Variants in PDE7B observed in about 807,000 individuals in gnomAD.
PDE7B encodes the protein phosphodiesterase 7B.
In PDE7B, 29 loss-of-function variants were observed where a neutral mutation model predicts 56.2. The observed-to-expected ratio is 0.52, with a 90% CI of 0.38 to 0.70. The LOEUF is 0.70. Ranked by LOEUF, PDE7B falls within the 30% of genes least tolerant of loss-of-function variation. The pLI is 0.00. For synonymous variants in PDE7B, 197 were observed against 196.9 expected (o/e 1.00, Z 0.00); for missense variants, 490 against 565.0 (o/e 0.87, Z 1.35).
At chr6:135,993,715 G>T (rs1290541810) in intron 2 of PDE7B, among the ~76,000 whole-genome samples, 1 of 152,204 alleles carries the variant, frequency 6.6e-6, no homozygotes, top group Non-Finnish European at 1.5e-5. Context: ...CTGAATTAAT[G>T]GTGAGCATTA....
intron 2 of PDE7B, among the ~76,000 whole-genome samples, chr6:136,106,701 A>G (rs1466557800): frequency 2.6e-5 from 4 of 152,192 alleles, no homozygotes; most frequent in East Asian, 1.9e-4. Context: ...TGAAGGTCCA[A>G]TGAGAAAAAA....
intron 2 of PDE7B, among the ~76,000 whole-genome samples, chr6:136,092,096 A>G (rs1272884667): frequency 6.6e-6 from 1 of 152,240 alleles, no homozygotes; most frequent in East Asian, 1.9e-4. Context: ...TATTGCTCAC[A>G]GTCATAGTAA....
intron 8 of PDE7B, among the ~76,000 whole-genome samples, chr6:136,170,090 T>A (rs1304538978): frequency 6.6e-6 from 1 of 152,186 alleles, no homozygotes; most frequent in Non-Finnish European, 1.5e-5. Flanking sequence ...TCCTGACTTG[T>A]GTTTTCCTAA....
At chr6:135,961,255 A>ATGTGTGTGTGTGTGTGTGTGTGTGTGTG (rs961322926) in intron 2 of PDE7B, among the ~76,000 whole-genome samples, 2 of 146,086 alleles carry the variant, frequency 1.4e-5, no homozygotes, top group African/African-American at 5.2e-5. Context: ...TAGAGTGTAT[A>ATGTGTGTGTGTGTGTGTGTGTGTGTGTG]TGTGTGTGTG....
intron 1 of PDE7B, among the ~76,000 whole-genome samples, chr6:135,933,206 G>C (rs751303830): frequency 6.6e-6 from 1 of 152,182 alleles, no homozygotes; most frequent in Non-Finnish European, 1.5e-5. Context: ...ACAAAGCACA[G>C]TTATGTAACA....
chr6:136,002,836 C>G (rs4896195), intron 2 of PDE7B, among the ~76,000 whole-genome samples: 54,850 of 151,258 alleles, frequency 0.36, 10,040 homozygotes, highest in East Asian at 0.47. Flanking sequence ...GAACTCAGCT[C>G]TGCACCAAGT....
At chr6:135,959,527 C>G (rs1256834124) in intron 2 of PDE7B, among the ~76,000 whole-genome samples, 1 of 152,044 alleles carries the variant, frequency 6.6e-6, no homozygotes, top group Non-Finnish European at 1.5e-5. Context: ...TCCTGAATTA[C>G]TGCATTGTTT....
At chr6:136,034,714 C>A in intron 2 of PDE7B, 1 of 161,194 alleles carries the variant, frequency 6.2e-6, no homozygotes. Flanking sequence ...TGGGTCCAGT[C>A]CCTTCCGTGC....
At chr6:135,929,834 A>T (rs1252630811) in intron 1 of PDE7B, among the ~76,000 whole-genome samples, 1 of 152,138 alleles carries the variant, frequency 6.6e-6, no homozygotes, top group Non-Finnish European at 1.5e-5. Context: ...CAGAGCTGTA[A>T]CCTGAAGGGC....
chr6:135,908,214 G>A (rs1776149907), intron 1 of PDE7B, among the ~76,000 whole-genome samples: 1 of 151,294 alleles, frequency 6.6e-6, no homozygotes, highest in South Asian at 2.1e-4. Context: ...TCAACCTCCT[G>A]AGCTGCTGGG....
chr6:135,935,664 T>C (rs1399500044), intron 1 of PDE7B, among the ~76,000 whole-genome samples: 2 of 152,206 alleles, frequency 1.3e-5, no homozygotes, highest in Non-Finnish European at 2.9e-5. Flanking sequence ...CTTTCAAATA[T>C]TGATCTTGCC....
At chr6:135,992,530 C>G (rs1009744924) in intron 2 of PDE7B, among the ~76,000 whole-genome samples, 1 of 152,176 alleles carries the variant, frequency 6.6e-6, no homozygotes, top group African/African-American at 2.4e-5. Flanking sequence ...GGGTCTTGGG[C>G]AGTAAACACT....
At chr6:136,127,537 T>C (rs1295966984) in intron 3 of PDE7B, among the ~76,000 whole-genome samples, 2 of 152,216 alleles carry the variant, frequency 1.3e-5, no homozygotes, top group Non-Finnish European at 2.9e-5. Context: ...AGTGTTATTG[T>C]TTATGGCTTG....
intron 2 of PDE7B, among the ~76,000 whole-genome samples, chr6:136,104,178 C>CA (rs780563674): frequency 5.5e-5 from 8 of 145,690 alleles, no homozygotes; most frequent in East Asian, 3.9e-4. Context: ...CCTGAAGGGG[C>CA]AAAAAAAAGC....
intron 2 of PDE7B, among the ~76,000 whole-genome samples, chr6:136,098,293 CATCAG>C (rs1019141437): frequency 6.6e-6 from 1 of 152,026 alleles, no homozygotes; most frequent in African/African-American, 2.4e-5. Flanking sequence ...GTAGTACACT[CATCAG>C]ATCAGAAGAA....
At chr6:136,131,138 T>C (rs1348375040) in intron 3 of PDE7B, among the ~76,000 whole-genome samples, 1 of 152,188 alleles carries the variant, frequency 6.6e-6, no homozygotes. Context: ...CCAGTGTTCA[T>C]CAGACTACAA....
chr6:136,105,079 T>C (rs1481534672), intron 2 of PDE7B, among the ~76,000 whole-genome samples: 2 of 152,230 alleles, frequency 1.3e-5, no homozygotes, highest in African/African-American at 4.8e-5. Flanking sequence ...TGCTGAAGAA[T>C]ATTTTTAATA....
intron 1 of PDE7B, among the ~76,000 whole-genome samples, chr6:135,862,602 C>T (rs1163201351): frequency 6.6e-6 from 1 of 151,480 alleles, no homozygotes; most frequent in East Asian, 1.9e-4. Flanking sequence ...ATTTTTTTTC[C>T]TCAAATATTT....
intron 3 of PDE7B, among the ~76,000 whole-genome samples, chr6:136,136,192 AAACT>A (rs1778209380): frequency 6.6e-6 from 1 of 152,120 alleles, no homozygotes; most frequent in Admixed American, 6.6e-5. Context: ...GGACACTGTC[AAACT>A]AATTAACAGT....
Sources: gnomAD v4.1 joint callset for allele counts (sites outside exome capture counted in the v4.1 genomes callset) on GRCh38, gnomAD v4.1.1 for gene constraint, MANE v1.5 for transcripts, NCBI Gene and HGNC (gene_info 2026-07-23, HGNC 2026-07-21) for gene names.